CNTN4: variants seen among roughly 807,000 people sequenced by gnomAD.
CNTN4 encodes contactin 4, also known as contactin-4.
In CNTN4, 77 loss-of-function variants were observed where a neutral mutation model predicts 122.5. The observed-to-expected ratio is 0.63, with a 90% CI of 0.52 to 0.76. CNTN4 has a LOEUF of 0.76. Among genes scored for constraint, CNTN4 ranks in the 30% least tolerant of loss-of-function variants. The pLI is 0.00. For missense variants in CNTN4, 1,256 were observed against 1,259.1 expected, an observed-to-expected ratio of 1.00 and a Z score of 0.04; for synonymous variants, 512 against 447.0, an observed-to-expected ratio of 1.15 and a Z score of -1.83.
At chr3:3,050,725 C>T (rs1668449322) in intron 23 of CNTN4, among the ~76,000 whole-genome samples, 2 of 141,378 alleles carry the variant, frequency 1.4e-5, no homozygotes, top group South Asian at 2.2e-4. Flanking sequence ...GTCACACCAT[C>T]GCACTCTAGC....
Position 2,251,763 on chromosome 3 carries a change from G to GT in CNTN4, c.-144-87406dup, listed in dbSNP as rs201570955. Among the ~76,000 whole-genome samples the GT allele has an allele frequency of 6.7e-3, 1,011 of 150,382 alleles. 17 individuals are homozygous for GT. Among genetic ancestry groups the GT allele is most frequent in the African/African-American group, 0.022 (907 of 41,048 alleles). On this transcript the variant is annotated intron_variant, in intron 2 of 24. Coordinates refer to ENST00000418658, the MANE Select transcript of CNTN4 (RefSeq NM_175607.3). ...AATTCACAATACATTATGTAGGTAGGTTTTTTTTTCTGTACATTACACACC... is the reference window on the plus strand; with the variant it reads ...AATTCACAATACATTATGTAGGTAGGTTTTTTTTTTCTGTACATTACACACC...
intron 4 of CNTN4, among the ~76,000 whole-genome samples, chr3:2,732,179 C>T (rs995351917): frequency 1.3e-5 from 2 of 152,134 alleles, no homozygotes; most frequent in Middle Eastern, 3.4e-3. Context: ...CGGTGTTGGC[C>T]GATGTTCTGT....
At chr3:2,183,995 G>A (rs1475542394) in intron 2 of CNTN4, among the ~76,000 whole-genome samples, 1 of 151,372 alleles carries the variant, frequency 6.6e-6, no homozygotes, top group Non-Finnish European at 1.5e-5. Context: ...TTTTTGAGAC[G>A]TGGTCTCGCT....
intron 3 of CNTN4, among the ~76,000 whole-genome samples, chr3:2,478,928 T>C (rs979864688): frequency 3.3e-5 from 5 of 152,150 alleles, no homozygotes; most frequent in Non-Finnish European, 5.9e-5. Flanking sequence ...TATACTTTAA[T>C]TTTTACTATA....
At chr3:2,502,747 T>C (rs929623412) in intron 3 of CNTN4, among the ~76,000 whole-genome samples, 2 of 152,152 alleles carry the variant, frequency 1.3e-5, no homozygotes, top group African/African-American at 4.8e-5. Flanking sequence ...GCTTTCCATA[T>C]GAGTGAACTG....
In CNTN4 at chr3:2,128,894, A is replaced by C. The variant is rs559685924; in HGVS notation, c.-145+28255A>C. On this transcript the variant is annotated intron_variant, in intron 2 of 24. Coordinates refer to ENST00000418658, the MANE Select transcript of CNTN4 (RefSeq NM_175607.3). ...TGTCCTATCAATGGAAACTTTAACA[A>C]AGGAGCTAGATTTTGGTTTTACAGG... is the stretch of plus-strand genomic sequence containing the variant. Among the ~76,000 whole-genome samples the C allele has an allele frequency of 2.6e-5, 4 of 152,310 alleles. No homozygotes were observed. In the East Asian group the frequency reaches 7.7e-4, roughly 29 times the overall value.
intron 4 of CNTN4, among the ~76,000 whole-genome samples, chr3:2,660,225 A>G (rs1374423958): frequency 6.6e-6 from 1 of 151,922 alleles, no homozygotes; most frequent in Non-Finnish European, 1.5e-5. Context: ...ATGATTAAAA[A>G]AAAAACTCTA....
intron 3 of CNTN4, among the ~76,000 whole-genome samples, chr3:2,348,225 A>G (rs1219246791): frequency 6.7e-6 from 1 of 149,910 alleles, no homozygotes; most frequent in African/African-American, 2.4e-5. Flanking sequence ...AGAGTAAATT[A>G]GATCATATAC....
chr3:2,925,457 G>T (rs774309751), intron 12 of CNTN4, among the ~76,000 whole-genome samples, 172 bp from the exon 13 acceptor site: 2 of 152,156 alleles, frequency 1.3e-5, no homozygotes, highest in African/African-American at 2.4e-5. Flanking sequence ...GGAGGCTGAG[G>T]CAGGAGAGTC....
intron 3 of CNTN4, among the ~76,000 whole-genome samples, chr3:2,536,292 G>A (rs75638483): frequency 1.7e-4 from 26 of 152,198 alleles, no homozygotes; most frequent in South Asian, 8.3e-4. Flanking sequence ...GCATTCTTTC[G>A]TCCCAGTTTT....
rs2086454168 is a variant in CNTN4, at chr3:2,703,153, C to T, written c.56-33062C>T. Among the ~76,000 whole-genome samples, 4 of 152,274 alleles carry T rather than the reference C, an allele frequency of 2.6e-5. No homozygotes were observed. In the South Asian group the frequency reaches 8.3e-4, roughly 32 times the overall value. ...GGCACAGAGAAGGTTTAGTAAATTGCTTAAGATCATCCCTTGTGCATTTCA... is the reference window on the plus strand; with the variant it reads ...GGCACAGAGAAGGTTTAGTAAATTGTTTAAGATCATCCCTTGTGCATTTCA... On this transcript the variant is annotated intron_variant, in intron 4 of 24. Coordinates refer to ENST00000418658, the MANE Select transcript of CNTN4 (RefSeq NM_175607.3).
In CNTN4 at chr3:2,256,134, A is replaced by G. The variant is rs1405259089; in HGVS notation, c.-144-83044A>G. Among the ~76,000 whole-genome samples, 5 of 152,360 alleles carry G rather than the reference A, an allele frequency of 3.3e-5. No homozygotes were observed. The East Asian group carries it at 9.7e-4, about 29-fold the overall frequency. On this transcript the variant is annotated intron_variant, in intron 2 of 24. Coordinates refer to ENST00000418658, the MANE Select transcript of CNTN4 (RefSeq NM_175607.3). ...ATCACCACTGATCCCATAGAAATGC[A>G]TACTACCATCAGAGAATCCTATAAA...
intron 6 of CNTN4, among the ~76,000 whole-genome samples, chr3:2,811,941 C>G (rs1017699801): frequency 6.6e-6 from 1 of 152,194 alleles, no homozygotes; most frequent in African/African-American, 2.4e-5. Flanking sequence ...GCGGCGATTA[C>G]AGGCATGAGC....
chr3:2,780,225 C>G (rs1339390473), intron 6 of CNTN4, among the ~76,000 whole-genome samples: 4 of 152,206 alleles, frequency 2.6e-5, no homozygotes, highest in Non-Finnish European at 5.9e-5. Flanking sequence ...TCCAATTTAG[C>G]TGTAGTAAGC....
In CNTN4 at chr3:2,292,766, A is replaced by G. The variant is rs564540350; in HGVS notation, c.-144-46412A>G. 1.1e-3 allele frequency among the ~76,000 whole-genome samples: 172 copies of G among 152,330 alleles called. 1 individual carries two copies. The highest frequency in any genetic ancestry group is 3.8e-3 in the African/African-American group (159 of 41,582). On this transcript the variant is annotated intron_variant, in intron 2 of 24. Transcript: ENST00000418658. ...AGTGTGATCTTTTTCAATTCCAGAT[A>G]GTATTCTACAGATGAATATATCACA...
At chr3:2,510,821 C>T (rs1030875529) in intron 3 of CNTN4, among the ~76,000 whole-genome samples, 3 of 152,030 alleles carry the variant, frequency 2.0e-5, no homozygotes, top group Non-Finnish European at 2.9e-5. Flanking sequence ...GACTGCATCA[C>T]GATGCAGACA....
At chr3:2,412,115 A>AT (rs1465011635) in intron 3 of CNTN4, among the ~76,000 whole-genome samples, 1 of 151,964 alleles carries the variant, frequency 6.6e-6, no homozygotes, top group Non-Finnish European at 1.5e-5. Flanking sequence ...TCAACATACT[A>AT]TTTTTTGAGA....
chr3:2,885,967 A>G (rs111427113), intron 9 of CNTN4, among the ~76,000 whole-genome samples: 117 of 152,280 alleles, frequency 7.7e-4, no homozygotes, highest in African/African-American at 2.7e-3. Context: ...AGGACAGCTC[A>G]GGGCTGCCAT....
intron 2 of CNTN4, among the ~76,000 whole-genome samples, chr3:2,241,219 G>T (rs1559371448): frequency 6.6e-6 from 1 of 152,038 alleles, no homozygotes; most frequent in Non-Finnish European, 1.5e-5. Context: ...ATTTTCAGAG[G>T]CCAGTGTACT....
Sources: gnomAD v4.1 joint callset for allele counts (sites outside exome capture counted in the v4.1 genomes callset) on GRCh38, gnomAD v4.1.1 for gene constraint, MANE v1.5 for transcripts, NCBI Gene and HGNC (gene_info 2026-07-23, HGNC 2026-07-21) for gene names.